DLC1: variants seen among roughly 807,000 people sequenced by gnomAD.
The protein encoded by DLC1 is rho GTPase-activating protein 7.
DLC1 carries 54 observed loss-of-function variants against 140.3 expected under a neutral mutation model. The observed-to-expected ratio is 0.38, with a 90% CI of 0.31 to 0.48. DLC1 has a LOEUF of 0.48. DLC1 is among the 20% of genes least tolerant of loss of function. The pLI is 0.96. For missense variants in DLC1, 2,536 were observed against 1,907.0 expected, an observed-to-expected ratio of 1.33 and a Z score of -6.14; for synonymous variants, 986 against 728.1, an observed-to-expected ratio of 1.35 and a Z score of -5.70.
chr8:13,149,307 C>A (rs1016725470), intron 5 of DLC1, among the ~76,000 whole-genome samples: 1 of 152,244 alleles, frequency 6.6e-6, no homozygotes. Flanking sequence ...CCTTCAATTT[C>A]TCTGAAATTT....
chr8:13,334,254 G>A (rs1833726434), intron 4 of DLC1, among the ~76,000 whole-genome samples: 1 of 152,056 alleles, frequency 6.6e-6, no homozygotes, highest in Non-Finnish European at 1.5e-5. Flanking sequence ...GACCTTGGGA[G>A]GGAAAGGAGC....
chr8:13,232,427 G>A (rs1464559217), intron 5 of DLC1, among the ~76,000 whole-genome samples: 1 of 151,898 alleles, frequency 6.6e-6, no homozygotes, highest in African/African-American at 2.4e-5. Context: ...TCTGCCTCCC[G>A]GGTTCAAGCG....
At chr8:13,111,914 G>C (rs1044964692) in intron 6 of DLC1, among the ~76,000 whole-genome samples, 15 of 152,102 alleles carry the variant, frequency 9.9e-5, no homozygotes, top group African/African-American at 3.1e-4. Flanking sequence ...GAGGCCCCAA[G>C]GACAGAAGAT....
intron 1 of DLC1, among the ~76,000 whole-genome samples, chr8:13,594,833 G>A (rs1805632937): frequency 6.6e-6 from 1 of 150,698 alleles, no homozygotes; most frequent in Admixed American, 6.6e-5. Flanking sequence ...ATTTCAGGGT[G>A]CTTTTATTTT....
At chr8:13,133,807 G>A (rs1671597207) in intron 5 of DLC1, among the ~76,000 whole-genome samples, 1 of 152,062 alleles carries the variant, frequency 6.6e-6, no homozygotes, top group South Asian at 2.1e-4. Flanking sequence ...CGGGAACGGA[G>A]GGGAAGCGGA....
intron 4 of DLC1, among the ~76,000 whole-genome samples, chr8:13,383,260 C>G (rs1402125400): frequency 6.6e-6 from 1 of 152,154 alleles, no homozygotes; most frequent in African/African-American, 2.4e-5. Flanking sequence ...TTTGTATAGA[C>G]CAGTGACACT....
intron 4 of DLC1, among the ~76,000 whole-genome samples, chr8:13,358,703 C>T (rs565194025): frequency 1.7e-4 from 26 of 150,352 alleles, no homozygotes; most frequent in Admixed American, 7.3e-4. Context: ...AAAAAAAATG[C>T]TAACAAAGAT....
At chr8:13,431,508 A>G (rs796708418) in intron 2 of DLC1, among the ~76,000 whole-genome samples, 1 of 149,756 alleles carries the variant, frequency 6.7e-6, no homozygotes, top group East Asian at 1.9e-4. Context: ...AAAAAAAAAA[A>G]AAAAAAAGAA....
At chr8:13,092,271 A>C (rs905915538) in intron 13 of DLC1, among the ~76,000 whole-genome samples, 6 of 152,212 alleles carry the variant, frequency 3.9e-5, no homozygotes, top group Non-Finnish European at 5.9e-5. Flanking sequence ...ACATACATTT[A>C]AACATTATAT....
intron 5 of DLC1, among the ~76,000 whole-genome samples, chr8:13,212,115 C>T (rs1370438716): frequency 1.3e-5 from 2 of 152,102 alleles, no homozygotes; most frequent in African/African-American, 4.8e-5. Flanking sequence ...TGTAAACATT[C>T]CGTAGAGAAT....
Position 13,546,483 on chromosome 8 carries a change from A to G in DLC1, c.-125-46287T>C, listed in dbSNP as rs187428647. On this transcript the variant is annotated intron_variant, in intron 1 of 1. Coordinates refer to the DLC1 transcript ENST00000631382. ...TTTCTTTAAAAAAGCACATTTATCTACAAATTTTACAAGATCATATTTTAG... is the reference window on the plus strand; with the variant it reads ...TTTCTTTAAAAAAGCACATTTATCTGCAAATTTTACAAGATCATATTTTAG... Among the ~76,000 whole-genome samples the G allele has an allele frequency of 4.6e-5, 7 of 152,288 alleles. No homozygotes were observed. The East Asian group carries it at 1.2e-3, about 25-fold the overall frequency.
intron 5 of DLC1, among the ~76,000 whole-genome samples, chr8:13,150,293 G>C (rs527589441): frequency 2.0e-4 from 30 of 152,116 alleles, no homozygotes; most frequent in Non-Finnish European, 3.5e-4. Context: ...TATTGCAATG[G>C]CTTGCCCAGC....
intron 3 of DLC1, among the ~76,000 whole-genome samples, chr8:13,394,930 G>T (rs556316849): frequency 6.6e-6 from 1 of 151,840 alleles, no homozygotes; most frequent in Non-Finnish European, 1.5e-5. Context: ...TCAAACCAAA[G>T]AACTTCACTC....
intron 2 of DLC1, among the ~76,000 whole-genome samples, chr8:13,472,875 T>C (rs1036035719): frequency 3.3e-5 from 5 of 152,242 alleles, no homozygotes; most frequent in African/African-American, 1.2e-4. Context: ...TCTTTATTTT[T>C]GGGCAGGGTA....
intron 2 of DLC1, among the ~76,000 whole-genome samples, chr8:13,445,941 G>A (rs967912779): frequency 3.3e-5 from 5 of 152,054 alleles, no homozygotes; most frequent in African/African-American, 9.7e-5. Flanking sequence ...AAAAAACTTC[G>A]ATAACCCTAA....
At chr8:13,558,024 C>G (rs1804112902) in intron 1 of DLC1, 1 of 152,130 alleles carries the variant, frequency 6.6e-6, no homozygotes, top group Non-Finnish European at 1.5e-5. Context: ...TTCTGGGGAG[C>G]TGGCAAGCTC....
At chr8:13,586,427 A>G (rs1322552512) in intron 1 of DLC1, among the ~76,000 whole-genome samples, 2 of 152,176 alleles carry the variant, frequency 1.3e-5, no homozygotes, top group Non-Finnish European at 2.9e-5. Flanking sequence ...CGTTCTCATT[A>G]TGTACATGCT....
In DLC1 at chr8:13,184,685, C is replaced by T. The variant is rs1416945041; in HGVS notation, c.1349-69028G>A. ...GAGACAGTTTGTTGTGATTTCTGTT[C>T]TTTACATTTGCTGAGGAGTGCTTTA... On this transcript the variant is annotated intron_variant, in intron 5 of 17. Coordinates refer to ENST00000276297, the MANE Select transcript of DLC1 (RefSeq NM_182643.3). Among the ~76,000 whole-genome samples the T allele has an allele frequency of 4.6e-5, 7 of 152,214 alleles. No homozygotes were observed. In the South Asian group the frequency reaches 1.4e-3, roughly 32 times the overall value.
In DLC1 at chr8:13,577,536, C is replaced by T. The variant is rs188755424; in HGVS notation, c.-126+27001G>A. 1.1e-3 allele frequency among the ~76,000 whole-genome samples: 165 copies of T among 152,128 alleles called. 1 individual carries two copies. Among genetic ancestry groups the T allele is most frequent in the African/African-American group, 3.7e-3 (152 of 41,512 alleles). On this transcript the variant is annotated intron_variant, in intron 1 of 1. Coordinates refer to the DLC1 transcript ENST00000631382. ...CTTGAGTATAACTGTAATTTGAATT[C>T]GGTATTAATTAGTGTCATAAAATTT...
Sources: gnomAD v4.1 joint callset for allele counts (sites outside exome capture counted in the v4.1 genomes callset) on GRCh38, gnomAD v4.1.1 for gene constraint, MANE v1.5 for transcripts, NCBI Gene and HGNC (gene_info 2026-07-23, HGNC 2026-07-21) for gene names.